Variants in A3GALT2 observed in about 807,000 individuals in gnomAD.
The protein encoded by A3GALT2 is alpha 1,3-galactosyltransferase 2.
A neutral mutation model predicts 16.6 loss-of-function variants in A3GALT2; 14 were observed. The ratio of observed to expected loss-of-function variants is 0.84; its 90% confidence interval spans 0.56 to 1.32. The LOEUF is 1.32. Among genes scored for constraint, A3GALT2 ranks in the 40% most tolerant of loss-of-function variants. A3GALT2 has a pLI of 0.00. For synonymous variants in A3GALT2, 253 were observed against 218.0 expected, an observed-to-expected ratio of 1.16 and a Z score of -1.42; for missense variants, 600 against 490.9, an observed-to-expected ratio of 1.22 and a Z score of -2.10.
chr1:33,307,253 G>C lies in A3GALT2; in HGVS notation c.536C>G (p.Thr179Arg). ...WQDVSMARMR[T>R]LHAALGGLPG... The stretch of plus-strand genomic sequence containing the variant: ...CAGCCCGCCCAGCGCCGCGTGCAAC[G>C]TGCGCATGCGCGCCATCGACACGTC... Residue 179 changes from threonine (T) to arginine (R), a missense_variant, in exon 5 of 5, where the codon ACG becomes AGG. Thr to Arg is a moderately conservative substitution (Grantham distance 71). Coordinates refer to ENST00000442999, the MANE Select transcript of A3GALT2 (RefSeq NM_001080438.1). 6.8e-7 allele frequency: 1 copy of C among 1,469,916 alleles called. No homozygotes were observed. Among genetic ancestry groups the C allele is most frequent in the South Asian group, 1.3e-5 (1 of 76,316 alleles). 91.1% of individuals were successfully genotyped at this position (1,469,916 alleles called of 1,614,324 possible).
chr1:33,312,024 C>A, intron 4 of A3GALT2, 28 bp downstream of exon 4: 1 of 1,612,772 alleles, frequency 6.2e-7, no homozygotes, highest in South Asian at 1.1e-5. Context: ...ACAGCTTTGA[C>A]AGCACTGCTC....
At chr1:33,311,976 G>A (rs1646234796) in intron 4 of A3GALT2, 76 bp downstream of exon 4, 1 of 1,575,338 alleles carries the variant, frequency 6.3e-7, no homozygotes, top group East Asian at 2.3e-5. Context: ...GGAGCAGGGT[G>A]CCCCGCCTCC....
In A3GALT2 at chr1:33,307,042, G is replaced by A. The variant is rs748273074; in HGVS notation, c.747C>T (p.Gly249=). The A allele has an allele frequency of 4.0e-6, 6 of 1,500,548 alleles. No individual in the cohort carries two copies. The African/African-American group carries it at 5.8e-5, about 15-fold the overall frequency. 93.0% of individuals were successfully genotyped at this position (1,500,548 alleles called of 1,614,324 possible). A position where few individuals can be genotyped will look rare whatever the true frequency, so the allele number is the denominator to read the frequency against. Residue 249 remains glycine (G), a synonymous_variant, in exon 5 of 5, where the codon GGC becomes GGT. Coordinates refer to ENST00000442999, the MANE Select transcript of A3GALT2 (RefSeq NM_001080438.1). ...ACACCGCCGCGTGGTTATAGAAGTC[G>A]CCCTGGCCCCACGCCATCGCGGCGG... is the stretch of plus-strand genomic sequence containing the variant. The part of the protein sequence containing the change: ...HSAAAMAWGQ[G]DFYNHAAVFG...
chr1:33,311,675 A>T (rs1333617658), intron 4 of A3GALT2, among the ~76,000 whole-genome samples: 1 of 152,076 alleles, frequency 6.6e-6, no homozygotes, highest in African/African-American at 2.4e-5. Flanking sequence ...GAATGCAGTG[A>T]ATCATCCCTC....
Position 33,306,815 on chromosome 1 carries a change from C to T in A3GALT2, c.974G>A (p.Arg325His). The change falls in exon 5 of 5, where the codon CGC (arginine) becomes CAC (histidine). Residue 325 changes from arginine to histidine, a missense_variant. Transcript: ENST00000442999. ...CTTGGGCGCCCACAGCAGTCGCGGG[C>T]GGCGGATCTCGGCCCGCGGGCCGAT... ...PDIGPRAEIR[R>H]PRLLWAPKGY... 1 of 1,474,322 alleles carries T rather than the reference C, an allele frequency of 6.8e-7. No homozygotes were observed. The allele number at this position is 1,474,322 out of a possible 1,614,324, so 91.3% of individuals were successfully genotyped here. A position where few individuals can be genotyped will look rare whatever the true frequency, so the allele number is the denominator to read the frequency against.
chr1:33,310,530 C>T (rs928575540), intron 4 of A3GALT2, among the ~76,000 whole-genome samples: 2 of 152,194 alleles, frequency 1.3e-5, no homozygotes, highest in Non-Finnish European at 2.9e-5. Context: ...ATACTTTGAA[C>T]TTTTATCATG....
At chr1:33,313,039 G>GATGCA in intron 1 of A3GALT2, 149 bp from the exon 2 acceptor site, 1 of 681,838 alleles carries the variant, frequency 1.5e-6, no homozygotes, top group Admixed American at 2.3e-5. Context: ...TTGTGCAGGG[G>GATGCA]CATGACCTTG....
intron 1 of A3GALT2, among the ~76,000 whole-genome samples, chr1:33,318,232 A>G (rs1646269953): frequency 6.6e-6 from 1 of 152,238 alleles, no homozygotes; most frequent in South Asian, 2.1e-4. Flanking sequence ...AAACATGTCT[A>G]GTAGCCACAT....
At chr1:33,308,579 G>A (rs574921138) in intron 4 of A3GALT2, among the ~76,000 whole-genome samples, 146 of 151,684 alleles carry the variant, frequency 9.6e-4, no homozygotes, top group South Asian at 7.3e-3. Flanking sequence ...CAATTTTTTT[G>A]TATTTTTAGT....
chr1:33,312,933 A>C (rs759566799), intron 1 of A3GALT2, 43 bp from the exon 2 acceptor site: 6 of 1,417,378 alleles, frequency 4.2e-6, no homozygotes, highest in Non-Finnish European at 5.9e-6. Flanking sequence ...TTATATGTAT[A>C]GACACAAATA....
rs2148165479 is a variant in A3GALT2, at chr1:33,320,981, C to T, written c.23+95G>A. ...TGGTACTCCTGGGCTCACTCTGGTG[C>T]CTCCCCTTGGTACTGTTTTAGCCAT... On this transcript the variant is annotated intron_variant, in intron 1 of 4. Transcript: ENST00000442999. This position sits in a 1 kb window ranked among gnomAD's most constrained non-coding sequence, Gnocchi z 4.3. 6.6e-7 allele frequency: 1 copy of T among 1,519,472 alleles called. No individual in the cohort carries two copies. Among genetic ancestry groups the T allele is most frequent in the Non-Finnish European group, 9.1e-7 (1 of 1,098,744 alleles). 94.1% of individuals were successfully genotyped at this position (1,519,472 alleles called of 1,614,324 possible).
chr1:33,319,979 A>G (rs912839461), intron 1 of A3GALT2, among the ~76,000 whole-genome samples: 1 of 151,912 alleles, frequency 6.6e-6, no homozygotes, highest in African/African-American at 2.4e-5. Context: ...TTGGGCTTTG[A>G]GTAGGACTGC....
At chr1:33,312,648 A>G in intron 2 of A3GALT2, 58 bp from the exon 3 acceptor site, 1 of 1,499,650 alleles carries the variant, frequency 6.7e-7, no homozygotes, top group Admixed American at 1.9e-5. Flanking sequence ...CAGCCTGGCC[A>G]GGAGCCCTCT....
chr1:33,318,776 G>A (rs1646272153), intron 1 of A3GALT2, among the ~76,000 whole-genome samples: 1 of 152,064 alleles, frequency 6.6e-6, no homozygotes, highest in Non-Finnish European at 1.5e-5. Context: ...CCTCCCCCAG[G>A]ATGTGCCTCT....
chr1:33,312,655 C>G (rs1312279510), intron 2 of A3GALT2, 65 bp from the exon 3 acceptor site: 1 of 1,486,892 alleles, frequency 6.7e-7, no homozygotes, highest in African/African-American at 1.4e-5. Flanking sequence ...GCCAGGAGCC[C>G]TCTGGCTTTG....
chr1:33,308,430 C>T (rs1002403746), intron 4 of A3GALT2, among the ~76,000 whole-genome samples: 1 of 152,010 alleles, frequency 6.6e-6, no homozygotes, highest in Admixed American at 6.6e-5. Context: ...TTTGAGATAG[C>T]GTTTCGCTCC....
In A3GALT2 at chr1:33,307,308, C is replaced by A; in HGVS notation, c.481G>T (p.Glu161Ter). Residue 161 changes from glutamate to a stop codon, truncating the protein, a stop_gained, in exon 5 of 5, where the codon GAG (glutamate) becomes TAG (stop). Transcript: ENST00000442999. LOFTEE classifies it low-confidence loss of function (END_TRUNC). ...ALGPGRRLPV[E>*]RVARERRWQD... is the part of the protein sequence containing the mutation. ...CAGCGCCGCTCGCGCGCCACGCGCT[C>A]CACGGGCAGCCGGCGTCCCGGGCCC... 6.7e-7 allele frequency: 1 copy of A among 1,493,554 alleles called. No homozygotes were observed. Among genetic ancestry groups the A allele is most frequent in the Non-Finnish European group, 8.8e-7 (1 of 1,132,286 alleles). The allele number at this position is 1,493,554 out of a possible 1,614,324, so 92.5% of individuals were successfully genotyped here.
intron 1 of A3GALT2, chr1:33,314,608 T>C (rs1646253043): frequency 6.5e-6 from 1 of 152,868 alleles, no homozygotes; most frequent in Admixed American, 6.5e-5. Context: ...CCTCCTGCTC[T>C]GCACCTGCTG....
intron 1 of A3GALT2, among the ~76,000 whole-genome samples, chr1:33,316,185 A>G (rs78184403): frequency 0.017 from 2,593 of 152,234 alleles, 69 homozygotes; most frequent in African/African-American, 0.058. Context: ...AGAGAGGTCC[A>G]TGGAAAAGAA....
Sources: allele counts gnomAD v4.1 joint callset (sites outside exome capture counted in the v4.1 genomes callset), GRCh38; gene constraint gnomAD v4.1.1; non-coding constraint Gnocchi (gnomAD v3.1); transcripts MANE v1.5; gene names NCBI Gene and HGNC (gene_info 2026-07-23, HGNC 2026-07-21).